Variants in CFAP251 observed in about 807,000 individuals in gnomAD.
The protein encoded by CFAP251 is cilia- and flagella-associated protein 251.
Under a neutral mutation model 126.7 loss-of-function variants are expected in CFAP251, and 93 were observed. The ratio of observed to expected loss-of-function variants is 0.73; its 90% confidence interval spans 0.62 to 0.87. CFAP251 has a LOEUF of 0.87. Ranked by LOEUF, CFAP251 falls within the 40% of genes least tolerant of loss-of-function variation. The probability of loss-of-function intolerance (pLI) is 0.00; values close to 1 mark genes in which losing one functional copy is unlikely to be tolerated. For synonymous variants in CFAP251, 503 were observed against 506.9 expected, an observed-to-expected ratio of 0.99 and a Z score of 0.10; for missense variants, 1,287 against 1,389.2, an observed-to-expected ratio of 0.93 and a Z score of 1.17.
chr12:121,988,323 A>G lies in CFAP251; in HGVS notation c.3007-11393A>G, dbSNP rs76268081. ...ATGTCCACCGAGTAGTGCAGACATC[A>G]CCACCACGTAATCCTAGAACATGTT... is the stretch of plus-strand genomic sequence containing the variant. On this transcript the variant is annotated intron_variant, in intron 19 of 21. Coordinates refer to ENST00000288912, the MANE Select transcript of CFAP251 (RefSeq NM_144668.6). Among the ~76,000 whole-genome samples the G allele has an allele frequency of 1.2e-3, 190 of 152,276 alleles. 5 individuals are homozygous for G. In the East Asian group the frequency reaches 0.035, roughly 28 times the overall value.
intron 5 of CFAP251, 42 bp from the exon 6 acceptor site, chr12:121,942,492 G>A: frequency 1.4e-6 from 2 of 1,470,874 alleles, no homozygotes; most frequent in Non-Finnish European, 9.4e-7. Flanking sequence ...GGGAAGCCAG[G>A]GAGACCTCAG....
intron 17 of CFAP251, chr12:121,971,990 G>A (rs866108529): frequency 9.0e-5 from 22 of 243,854 alleles, no homozygotes; most frequent in Middle Eastern, 1.5e-3. Flanking sequence ...CATGTGAGAC[G>A]TGCCTTTCAC....
Position 121,957,256 on chromosome 12 carries a change from T to C in CFAP251, c.1718T>C (p.Leu573Pro). The change falls in exon 11 of 22, where the codon CTT (leucine) becomes CCT (proline). Residue 573 changes from leucine to proline, a missense_variant. By Grantham distance (98) the Leu-to-Pro change is moderately conservative. Transcript: ENST00000288912. ...CCTGACTGCACTTTAAAAGGTGACC[T>C]TTTTGTCTTAAGGTAAGTTGTTAAT... ...YPPDCTLKGDLFVLRNFIIGT... is the reference protein window; with the variant it reads ...YPPDCTLKGDPFVLRNFIIGT... 1 of 1,609,406 alleles carries C rather than the reference T, an allele frequency of 6.2e-7. No individual in the cohort carries two copies. The highest frequency in any genetic ancestry group is 1.7e-5 in the Admixed American group (1 of 58,528).
intron 5 of CFAP251, among the ~76,000 whole-genome samples, chr12:121,940,923 G>A (rs964303471): frequency 6.6e-6 from 1 of 152,112 alleles, no homozygotes; most frequent in African/African-American, 2.4e-5. Context: ...AGGATGATGC[G>A]ATTGTTTTGC....
chr12:121,936,994 G>A (rs1212372513), intron 5 of CFAP251, among the ~76,000 whole-genome samples: 3 of 152,214 alleles, frequency 2.0e-5, no homozygotes, highest in African/African-American at 7.2e-5. Context: ...GTCAGCCGTG[G>A]TCTGCTGTGT....
chr12:121,954,636 T>TAA (rs1174239421), intron 10 of CFAP251, among the ~76,000 whole-genome samples: 1,859 of 41,880 alleles, frequency 0.044, 297 homozygotes, highest in African/African-American at 0.057. Context: ...CCTCCTGTCT[T>TAA]AAAAAAAAAA....
chr12:122,003,770 C>T lies in CFAP251; in HGVS notation c.*6C>T. ...CCGGCCAGGATGGTCAGTGAAGTTA[C>T]CAGGAATGTTTAAAGCACAAAGGAC... On this transcript the variant is annotated 3_prime_UTR_variant, in exon 22 of 22. Transcript: ENST00000288912. 1.3e-6 allele frequency: 2 copies of T among 1,597,188 alleles called. No individual in the cohort carries two copies. The highest frequency in any genetic ancestry group is 1.7e-6 in the Non-Finnish European group (2 of 1,174,238).
chr12:121,923,909 G>C lies in CFAP251; in HGVS notation c.666G>C (p.Gly222=). ...RRVSDIQSKA[G]ISRESLVSST... ...TATCCGACATCCAGTCCAAAGCAGG[G>C]ATCTCCCGGGAGTCACTGGTGTCCA... is the stretch of plus-strand genomic sequence containing the variant. Residue 222 remains glycine, a synonymous_variant, in exon 3 of 22, where the codon GGG becomes GGC. Transcript: ENST00000288912. 1 of 1,614,104 alleles carries C rather than the reference G, an allele frequency of 6.2e-7. No individual in the cohort carries two copies. The highest frequency in any genetic ancestry group is 8.5e-7 in the Non-Finnish European group (1 of 1,180,036).
intron 5 of CFAP251, among the ~76,000 whole-genome samples, chr12:121,935,324 T>G (rs1047620532): frequency 6.6e-6 from 1 of 152,196 alleles, no homozygotes; most frequent in African/African-American, 2.4e-5. Flanking sequence ...ACAGAAGAAT[T>G]GGGAAGATAG....
At chr12:121,943,668 C>T (rs1266076662) in intron 7 of CFAP251, among the ~76,000 whole-genome samples, 1 of 152,052 alleles carries the variant, frequency 6.6e-6, no homozygotes, top group Non-Finnish European at 1.5e-5. Flanking sequence ...CAGGTGATCT[C>T]CCCACCTTGT....
intron 15 of CFAP251, among the ~76,000 whole-genome samples, chr12:121,965,399 A>G (rs1038181146): frequency 6.6e-6 from 1 of 152,218 alleles, no homozygotes; most frequent in African/African-American, 2.4e-5. Context: ...ATTAAATTTT[A>G]TCATATCTTC....
At chr12:121,960,785 G>A (rs769432529) in intron 14 of CFAP251, 27 bp downstream of exon 14, 44 of 1,610,316 alleles carry the variant, frequency 2.7e-5, no homozygotes, top group East Asian at 2.2e-5. Flanking sequence ...TCGTTGACCT[G>A]GTCGCCAAGA....
At chr12:121,971,840 T>C (rs1007558015) in intron 17 of CFAP251, 2 of 490,868 alleles carry the variant, frequency 4.1e-6, no homozygotes, top group African/African-American at 3.9e-5. Context: ...AGGGACCTGG[T>C]GGGAGATGGT....
At chr12:121,982,741 C>G (rs1882653029) in intron 19 of CFAP251, among the ~76,000 whole-genome samples, 1 of 152,128 alleles carries the variant, frequency 6.6e-6, no homozygotes, top group Admixed American at 6.6e-5. Context: ...GCCCTGGCAA[C>G]CAGTGCCCAC....
intron 7 of CFAP251, among the ~76,000 whole-genome samples, chr12:121,945,312 T>C (rs985206964): frequency 6.6e-6 from 1 of 150,794 alleles, no homozygotes; most frequent in African/African-American, 2.4e-5. Context: ...CTGTTTTTTT[T>C]GTTGTTGTTG....
At chr12:121,925,183 A>C (rs564717395) in intron 3 of CFAP251, among the ~76,000 whole-genome samples, 7 of 152,186 alleles carry the variant, frequency 4.6e-5, no homozygotes, top group Admixed American at 3.9e-4. Flanking sequence ...TGAAAGCCGC[A>C]GTGAAAAGCC....
At chr12:121,937,849 C>T (rs1565905758) in intron 5 of CFAP251, among the ~76,000 whole-genome samples, 1 of 152,192 alleles carries the variant, frequency 6.6e-6, no homozygotes, top group African/African-American at 2.4e-5. Flanking sequence ...TCTGATCTCA[C>T]ATCCCTACAA....
intron 19 of CFAP251, among the ~76,000 whole-genome samples, chr12:121,992,957 C>CTCTCCCTCTCCCTCTCCG (rs1565925016): frequency 2.0e-5 from 2 of 100,584 alleles, no homozygotes; most frequent in Admixed American, 8.5e-5. Context: ...CTCCCTCTCC[C>CTCTCCCTCTCCCTCTCCG]TCTCCCACTC....
intron 5 of CFAP251, among the ~76,000 whole-genome samples, chr12:121,934,852 G>A (rs572423653): frequency 1.3e-5 from 2 of 152,160 alleles, no homozygotes; most frequent in East Asian, 1.9e-4. Flanking sequence ...CATTGCCCAC[G>A]CTGGAGTGCG....
Sources: gnomAD v4.1 joint callset for allele counts (sites outside exome capture counted in the v4.1 genomes callset) on GRCh38, gnomAD v4.1.1 for gene constraint, MANE v1.5 for transcripts, NCBI Gene and HGNC (gene_info 2026-07-23, HGNC 2026-07-21) for gene names.